The following SLC35F1 variants were observed in gnomAD, a reference collection of about 807,000 sequenced individuals.
The protein encoded by SLC35F1 is solute carrier family 35 member F1, also known as chromosome 6 open reading frame 169.
In SLC35F1, 14 loss-of-function variants were observed where a neutral mutation model predicts 48.7. That is an observed-to-expected ratio of 0.29 (90% confidence interval 0.19 to 0.45). SLC35F1 has a LOEUF of 0.45. Ranked by LOEUF, SLC35F1 falls within the 20% of genes least tolerant of loss-of-function variation. The probability of loss-of-function intolerance (pLI) is 1.00; values close to 1 mark genes in which losing one functional copy is unlikely to be tolerated. For synonymous variants in SLC35F1, 190 were observed against 202.2 expected (o/e 0.94, Z 0.51); for missense variants, 404 against 500.0 (o/e 0.81, Z 1.83).
intron 1 of SLC35F1, among the ~76,000 whole-genome samples, chr6:117,939,150 T>TCAC (rs1388793767): frequency 6.6e-6 from 1 of 151,926 alleles, no homozygotes; most frequent in Non-Finnish European, 1.5e-5. Context: ...CAGGCACGCA[T>TCAC]CACCACAACT....
At chr6:118,073,018 C>A (rs753520910) in intron 1 of SLC35F1, among the ~76,000 whole-genome samples, 1 of 152,150 alleles carries the variant, frequency 6.6e-6, no homozygotes, top group Non-Finnish European at 1.5e-5. Context: ...CATACAATTT[C>A]TGTTCTGGAA....
chr6:118,281,237 G>T (rs1228795418), intron 6 of SLC35F1, among the ~76,000 whole-genome samples: 1 of 143,486 alleles, frequency 7.0e-6, no homozygotes, highest in Non-Finnish European at 1.5e-5. Flanking sequence ...ATTAACTGAG[G>T]TATTGATAGG....
intron 1 of SLC35F1, among the ~76,000 whole-genome samples, chr6:118,123,763 C>G (rs962202398): frequency 6.6e-6 from 1 of 152,196 alleles, no homozygotes; most frequent in Non-Finnish European, 1.5e-5. Context: ...TGAATATCCA[C>G]TTTTGTCCCC....
At chr6:118,019,397 G>A (rs9387537) in intron 1 of SLC35F1, among the ~76,000 whole-genome samples, 27,196 of 151,990 alleles carry the variant, frequency 0.18, 2,729 homozygotes, top group East Asian at 0.3. Flanking sequence ...TGAGGTGGGC[G>A]AATCACTTGA....
At chr6:118,129,659 C>T (rs1042995050) in intron 1 of SLC35F1, among the ~76,000 whole-genome samples, 2 of 151,972 alleles carry the variant, frequency 1.3e-5, no homozygotes, top group Admixed American at 6.6e-5. Flanking sequence ...ACAGGACTTG[C>T]TGCAAATAGA....
intron 1 of SLC35F1, among the ~76,000 whole-genome samples, chr6:118,127,994 G>A (rs1447115716): frequency 6.6e-6 from 1 of 151,936 alleles, no homozygotes; most frequent in Admixed American, 6.6e-5. Flanking sequence ...TCAAAAAGTG[G>A]GCAAAGGATA....
At chr6:118,048,356 A>G (rs941407022) in intron 1 of SLC35F1, among the ~76,000 whole-genome samples, 68 of 151,970 alleles carry the variant, frequency 4.5e-4, no homozygotes, top group African/African-American at 1.6e-3. Context: ...TTTTGGTTGT[A>G]TCTCTGCCAG....
At chr6:118,232,921 A>G (rs1234353242) in intron 2 of SLC35F1, among the ~76,000 whole-genome samples, 1 of 151,984 alleles carries the variant, frequency 6.6e-6, no homozygotes, top group African/African-American at 2.4e-5. Context: ...AAGACCAGTT[A>G]AATCAGAATC....
At chr6:117,957,233 A>T (rs1319996852) in intron 1 of SLC35F1, among the ~76,000 whole-genome samples, 1 of 152,188 alleles carries the variant, frequency 6.6e-6, no homozygotes, top group East Asian at 1.9e-4. Flanking sequence ...ATATTTATTG[A>T]TTCTAATTTT....
At chr6:118,158,234 G>A (rs1213961032) in intron 2 of SLC35F1, among the ~76,000 whole-genome samples, 2 of 152,160 alleles carry the variant, frequency 1.3e-5, no homozygotes, top group South Asian at 2.1e-4. Context: ...AGTTTTAATA[G>A]GCTGGCATTA....
At chr6:118,143,950 T>A (rs142222182) in intron 1 of SLC35F1, among the ~76,000 whole-genome samples, 1 of 152,278 alleles carries the variant, frequency 6.6e-6, no homozygotes, top group South Asian at 2.1e-4. Context: ...GGTTTTCTGA[T>A]GGAAGATGGC....
intron 2 of SLC35F1, among the ~76,000 whole-genome samples, chr6:118,221,105 G>T (rs1408797469): frequency 6.6e-6 from 1 of 151,694 alleles, no homozygotes; most frequent in Non-Finnish European, 1.5e-5. Context: ...TGTCCAGCTG[G>T]GTCTACCTTA....
At chr6:118,033,556 T>C (rs1283835839) in intron 1 of SLC35F1, among the ~76,000 whole-genome samples, 1 of 152,070 alleles carries the variant, frequency 6.6e-6, no homozygotes, top group Admixed American at 6.6e-5. Context: ...AAACATCCCA[T>C]TGAGGAAACA....
intron 1 of SLC35F1, among the ~76,000 whole-genome samples, chr6:117,963,598 A>C (rs1035038260): frequency 1.3e-5 from 2 of 152,202 alleles, no homozygotes; most frequent in Non-Finnish European, 2.9e-5. Context: ...TTAAACTCCT[A>C]AAGTCTTTCT....
intron 2 of SLC35F1, among the ~76,000 whole-genome samples, chr6:118,207,457 T>C (rs931390838): frequency 3.3e-5 from 5 of 152,200 alleles, no homozygotes; most frequent in African/African-American, 1.2e-4. Context: ...TTCTGAGCAG[T>C]TATGATGCAC....
chr6:118,047,385 C>T (rs984297311), intron 1 of SLC35F1, among the ~76,000 whole-genome samples: 2 of 152,114 alleles, frequency 1.3e-5, no homozygotes, highest in African/African-American at 4.8e-5. Flanking sequence ...GTTTTGAGCC[C>T]TTGAGTGATG....
chr6:118,223,013 T>C (rs1184015549), intron 2 of SLC35F1, among the ~76,000 whole-genome samples: 2 of 152,208 alleles, frequency 1.3e-5, no homozygotes, highest in Non-Finnish European at 2.9e-5. Flanking sequence ...ATGGTGCTTG[T>C]TGTCCCTAGG....
At chr6:118,028,230 G>T (rs1014840681) in intron 1 of SLC35F1, among the ~76,000 whole-genome samples, 7 of 152,078 alleles carry the variant, frequency 4.6e-5, no homozygotes, top group Non-Finnish European at 1.5e-5. Context: ...TCCTTAAGAG[G>T]TAAGTTTCTC....
At chr6:118,191,687 C>A (rs1452059379) in intron 2 of SLC35F1, among the ~76,000 whole-genome samples, 1 of 152,150 alleles carries the variant, frequency 6.6e-6, no homozygotes, top group Non-Finnish European at 1.5e-5. Flanking sequence ...CATCAGTGAA[C>A]CACAAAAACC....
Sources: gnomAD v4.1 joint callset for allele counts (sites outside exome capture counted in the v4.1 genomes callset) on GRCh38, gnomAD v4.1.1 for gene constraint, MANE v1.5 for transcripts, NCBI Gene and HGNC (gene_info 2026-07-23, HGNC 2026-07-21) for gene names.